MELTF: variants seen among roughly 807,000 people sequenced by gnomAD.
MELTF encodes the protein melanotransferrin, also known as antigen p97 (melanoma associated) identified by monoclonal antibodies 133.2 and 96.5.
Under a neutral mutation model 83.7 loss-of-function variants are expected in MELTF, and 67 were observed. The ratio of observed to expected loss-of-function variants is 0.80; its 90% CI spans 0.66 to 0.98. MELTF has a LOEUF of 0.98. Ranked by LOEUF, MELTF falls within the 50% of genes least tolerant of loss-of-function variation. The probability of loss-of-function intolerance (pLI) is 0.00; values close to 1 mark genes in which losing one functional copy is unlikely to be tolerated. For missense variants in MELTF, 1,002 were observed against 1,035.6 expected (o/e 0.97, Z 0.44); for synonymous variants, 462 against 447.6 (o/e 1.03, Z -0.41).
chr3:197,027,833 A>G lies in MELTF; in HGVS notation c.127T>C (p.Phe43Leu). 1 of 1,611,634 alleles carries G rather than the reference A, an allele frequency of 6.2e-7. No individual in the cohort carries two copies. The highest frequency in any genetic ancestry group is 8.5e-7 in the Non-Finnish European group (1 of 1,179,350). ...QHKCGNMSEAFREAGIQPSLL... is the reference protein window; with the variant it reads ...QHKCGNMSEALREAGIQPSLL... ...GAGGGCTGGATGCCCGCTTCCCGGA[A>G]GGCCTCGCTCATGTTGCCGCACTTG... is the stretch of plus-strand genomic sequence containing the variant. Residue 43 changes from phenylalanine to leucine, a missense_variant, in exon 2 of 16, where the codon TTC becomes CTC. Coordinates refer to ENST00000296350, the MANE Select transcript of MELTF (RefSeq NM_005929.6).
intron 9 of MELTF, among the ~76,000 whole-genome samples, 161 bp downstream of exon 9, chr3:197,015,204 G>C (rs1719317789): frequency 3.3e-5 from 5 of 152,172 alleles, no homozygotes; most frequent in Admixed American, 3.3e-4. Flanking sequence ...CCTGGGGTGG[G>C]TGCTGGCCCC....
Position 197,008,532 on chromosome 3 carries a change from A to G in MELTF, c.1750+125T>C, listed in dbSNP as rs1719057360. The G allele has an allele frequency of 9.2e-7, 1 of 1,085,096 alleles. No individual in the cohort carries two copies. The highest frequency in any genetic ancestry group is 1.3e-6 in the Non-Finnish European group (1 of 753,572). 67.2% of individuals were successfully genotyped at this position (1,085,096 alleles called of 1,614,324 possible). ...GGGCTCCCAGCTTCCCAGGGGGCACAGCCTTCTAGACTCAGCCTCTCTGAG... is the reference window on the plus strand; with the variant it reads ...GGGCTCCCAGCTTCCCAGGGGGCACGGCCTTCTAGACTCAGCCTCTCTGAG... On this transcript the variant is annotated intron_variant, in intron 13 of 15. Coordinates refer to ENST00000296350, the MANE Select transcript of MELTF (RefSeq NM_005929.6). This position sits in a 1 kb window ranked among gnomAD's most constrained non-coding sequence, Gnocchi z 5.4.
In MELTF at chr3:197,004,072, T is replaced by A. The variant is rs1377562327; in HGVS notation, c.1966A>T (p.Asn656Tyr). 3 of 1,614,100 alleles carry A rather than the reference T, an allele frequency of 1.9e-6. No individual in the cohort carries two copies. The highest frequency in any genetic ancestry group is 2.5e-6 in the Non-Finnish European group (3 of 1,180,014). The stretch of plus-strand genomic sequence containing the variant: ...GAGGAGTCGAACATTTTGAACCCGT[T>A]CTTATTGTGGTCGTCTCCAAACAGG... ...QDLFGDDHNKNGFKMFDSSNY... is the reference protein window; with the variant it reads ...QDLFGDDHNKYGFKMFDSSNY... Residue 656 changes from asparagine to tyrosine, a missense_variant, in exon 15 of 16, where the codon AAC (asparagine) becomes TAC (tyrosine). Coordinates refer to ENST00000296350, the MANE Select transcript of MELTF (RefSeq NM_005929.6).
At chr3:197,013,294 T>G (rs1462615452) in intron 9 of MELTF, among the ~76,000 whole-genome samples, 1 of 152,218 alleles carries the variant, frequency 6.6e-6, no homozygotes, top group Non-Finnish European at 1.5e-5. Context: ...CAGTGGACGC[T>G]GCTGGGAAGA....
intron 9 of MELTF, among the ~76,000 whole-genome samples, chr3:197,012,339 G>A (rs1379138487): frequency 6.6e-6 from 1 of 152,254 alleles, no homozygotes; most frequent in Non-Finnish European, 1.5e-5. Context: ...CAGAAGTGGG[G>A]CTGATGGTCA....
At chr3:197,027,729 T>C (rs1719914650) in intron 2 of MELTF, 27 bp downstream of exon 2, 1 of 1,588,640 alleles carries the variant, frequency 6.3e-7, no homozygotes, top group African/African-American at 1.3e-5. Flanking sequence ...CCCTCTTGTC[T>C]GGCAGGGTGG....
Position 197,003,833 on chromosome 3 carries a change from C to A in MELTF, c.2137+68G>T, listed in dbSNP as rs1577922738. The A allele has an allele frequency of 3.3e-6, 5 of 1,523,544 alleles. No homozygotes were observed. In the South Asian group the frequency reaches 4.7e-5, roughly 14 times the overall value. 94.4% of individuals were successfully genotyped at this position (1,523,544 alleles called of 1,614,324 possible). A position where few individuals can be genotyped will look rare whatever the true frequency, so the allele number is the denominator to read the frequency against. ...CCCCGGACCCGCAGCGCCCCCCGCT[C>A]CCTCAGGGTTCTGGGGTGAAGGGGT... is the stretch of plus-strand genomic sequence containing the variant. On this transcript the variant is annotated intron_variant, in intron 15 of 15. Coordinates refer to ENST00000296350, the MANE Select transcript of MELTF (RefSeq NM_005929.6). The surrounding 1 kb of genome is among the most constrained non-coding windows in gnomAD (Gnocchi z 6.2).
chr3:197,017,648 T>C (rs189585347), intron 6 of MELTF, among the ~76,000 whole-genome samples: 2,451 of 151,802 alleles, frequency 0.016, 32 homozygotes, highest in East Asian at 0.06. Context: ...GAGGCCGAGG[T>C]GGGCGGATCA....
chr3:197,003,365 G>T lies in MELTF; in HGVS notation c.*7C>A, dbSNP rs988598029. 115 of 1,073,076 alleles carry T rather than the reference G, an allele frequency of 1.1e-4. No homozygotes were observed. Among genetic ancestry groups the T allele is most frequent in the Non-Finnish European group, 1.3e-4 (113 of 887,768 alleles). 66.5% of individuals were successfully genotyped at this position (1,073,076 alleles called of 1,614,324 possible). On this transcript the variant is annotated 3_prime_UTR_variant, in exon 16 of 16. Transcript: ENST00000296350. The surrounding 1 kb of genome is among the most constrained non-coding windows in gnomAD (Gnocchi z 6.2). Reference sequence around the variant, plus strand: ...GGCATCGGAGCTCTGGGGCGGGGCGGCCGGGCTCAGAGGGCGGGCGGGAGC... The same window carrying T: ...GGCATCGGAGCTCTGGGGCGGGGCGTCCGGGCTCAGAGGGCGGGCGGGAGC...
In MELTF at chr3:197,009,916, G is replaced by A. The variant is rs911869213; in HGVS notation, c.1331-104C>T. On this transcript the variant is annotated intron_variant, in intron 10 of 15. Coordinates refer to ENST00000296350, the MANE Select transcript of MELTF (RefSeq NM_005929.6). Reference sequence around the variant, plus strand: ...CCCACTCCTTCCTGTCTCTTTGCCTGAGCTATGCAGGCCAAAGAGTACCCA... The same window carrying A: ...CCCACTCCTTCCTGTCTCTTTGCCTAAGCTATGCAGGCCAAAGAGTACCCA... 1.8e-6 allele frequency: 2 copies of A among 1,087,212 alleles called. 1 individual carries two copies. Among genetic ancestry groups the A allele is most frequent in the Middle Eastern group, 6.1e-4 (2 of 3,280 alleles). The allele number at this position is 1,087,212 out of a possible 1,614,324, so 67.3% of individuals were successfully genotyped here.
rs1426728249 is a variant in MELTF at position 197,022,157 on chromosome 3, T to C, written c.645-686A>G. Reference sequence around the variant, plus strand: ...GATCTGCTGATGTCACTGCCCAGTGTTGGAGGCAGGTCAGACCTCCTGGGC... The same window carrying C: ...GATCTGCTGATGTCACTGCCCAGTGCTGGAGGCAGGTCAGACCTCCTGGGC... On this transcript the variant is annotated intron_variant, in intron 5 of 15. Transcript: ENST00000296350. The surrounding 1 kb of genome is among the most constrained non-coding windows in gnomAD (Gnocchi z 5.1). Among the ~76,000 whole-genome samples the C allele has an allele frequency of 6.6e-6, 1 of 152,166 alleles. No individual in the cohort carries two copies. Among genetic ancestry groups the C allele is most frequent in the Non-Finnish European group, 1.5e-5 (1 of 68,036 alleles).
chr3:197,021,532 C>T, intron 5 of MELTF, 61 bp from the exon 6 acceptor site: 1 of 1,519,018 alleles, frequency 6.6e-7, no homozygotes, highest in Non-Finnish European at 9.1e-7. Flanking sequence ...CATCTTCCAC[C>T]TCTGGAGGCC....
chr3:197,019,163 T>A, intron 6 of MELTF: 1 of 991,890 alleles, frequency 1.0e-6, no homozygotes, highest in Non-Finnish European at 1.2e-6. Context: ...ACAGCACTGT[T>A]AATGATTCAG....
rs1720001115 is a variant in MELTF, at chr3:197,029,533, C to T, written c.49+121G>A. 1.3e-6 allele frequency: 1 copy of T among 764,282 alleles called. No individual in the cohort carries two copies. Among genetic ancestry groups the T allele is most frequent in the Non-Finnish European group, 1.8e-6 (1 of 561,584 alleles). 47.3% of individuals were successfully genotyped at this position (764,282 alleles called of 1,614,324 possible). A position where few individuals can be genotyped will look rare whatever the true frequency, so the allele number is the denominator to read the frequency against. On this transcript the variant is annotated intron_variant, in intron 1 of 15. Transcript: ENST00000296350. The surrounding 1 kb of genome is among the most constrained non-coding windows in gnomAD (Gnocchi z 6.5). ...CTCACTCGACCCCGAGCCCCTGCCT[C>T]CCCCGTCTCACTGCCCCGGAGCCGC...
chr3:197,023,184 C>T, intron 4 of MELTF, 71 bp from the exon 5 acceptor site: 2 of 1,516,656 alleles, frequency 1.3e-6, no homozygotes, highest in Non-Finnish European at 9.1e-7. Context: ...CCAGGGTCAG[C>T]AGGGGGCCCG....
chr3:197,015,987 T>TG (rs1441097406), intron 8 of MELTF, among the ~76,000 whole-genome samples: 2 of 152,008 alleles, frequency 1.3e-5, no homozygotes, highest in African/African-American at 4.8e-5. Context: ...TGCGGCCAGG[T>TG]GGGGCTTCCG....
chr3:197,003,464 G>A lies in MELTF; in HGVS notation c.2138-13C>T. 2 of 1,101,104 alleles carry A rather than the reference G, an allele frequency of 1.8e-6. No homozygotes were observed. Among genetic ancestry groups the A allele is most frequent in the Non-Finnish European group, 2.2e-6 (2 of 905,888 alleles). The allele number at this position is 1,101,104 out of a possible 1,614,324, so 68.2% of individuals were successfully genotyped here. A position where few individuals can be genotyped will look rare whatever the true frequency, so the allele number is the denominator to read the frequency against. On this transcript the variant is annotated splice_polypyrimidine_tract_variant and intron_variant, in intron 15 of 15. Coordinates refer to ENST00000296350, the MANE Select transcript of MELTF (RefSeq NM_005929.6). The surrounding 1 kb of genome is among the most constrained non-coding windows in gnomAD (Gnocchi z 6.2). The stretch of plus-strand genomic sequence containing the variant: ...GGCGCCGGGGCCGCTGGGGACGAAC[G>A]CGGCGGGTCAGGCCCCGAAGCCCGG...
chr3:197,015,216 G>C, intron 9 of MELTF, 149 bp downstream of exon 9: 1 of 1,010,812 alleles, frequency 9.9e-7, no homozygotes, highest in Non-Finnish European at 1.4e-6. Flanking sequence ...GCTGGCCCCT[G>C]CGGTCGCTCC....
intron 2 of MELTF, chr3:197,027,128 G>A: frequency 3.7e-6 from 1 of 267,032 alleles, no homozygotes; most frequent in Admixed American, 4.6e-5. Flanking sequence ...TTTCTCTAAG[G>A]TGGTCTGTGC....
Sources: gnomAD v4.1 joint callset for allele counts (sites outside exome capture counted in the v4.1 genomes callset) on GRCh38, gnomAD v4.1.1 for gene constraint, Gnocchi (gnomAD v3.1) non-coding constraint, MANE v1.5 for transcripts, NCBI Gene and HGNC (gene_info 2026-07-23, HGNC 2026-07-21) for gene names.